The following SNX6 variants were observed in gnomAD, a reference collection of about 807,000 sequenced individuals.
The protein encoded by SNX6 is sorting nexin 6, also known as sorting nexin-6.
SNX6 carries 34 observed loss-of-function variants against 63.0 expected under a neutral mutation model. The observed-to-expected ratio is 0.54, with a 90% CI of 0.41 to 0.72. The LOEUF is 0.72. Ranked by LOEUF, SNX6 falls within the 30% of genes least tolerant of loss-of-function variation. The probability of loss-of-function intolerance (pLI) is 0.00; values close to 1 mark genes in which losing one functional copy is unlikely to be tolerated. For missense variants in SNX6, 398 were observed against 471.4 expected (o/e 0.84, Z 1.44); for synonymous variants, 170 against 164.2 (o/e 1.04, Z -0.27).
At chr14:34,563,300 T>A (rs1424129949) in intron 13 of SNX6, 125 bp from the exon 14 acceptor site, 4 of 844,874 alleles carry the variant, frequency 4.7e-6, no homozygotes, top group Non-Finnish European at 7.4e-6. Flanking sequence ...GGCTCATGCC[T>A]GTAATCCCAG....
In SNX6 at chr14:34,586,268, T is replaced by C; in HGVS notation, c.756A>G (p.Leu252=). 1.2e-6 allele frequency: 2 copies of C among 1,608,440 alleles called. No homozygotes were observed. Among genetic ancestry groups the C allele is most frequent in the South Asian group, 1.1e-5 (1 of 90,894 alleles). The part of the protein sequence containing the change: ...ADDYNRIGSS[L]YALGTQDSTD... ...TAGAATCCTGAGTTCCTAAAGCATA[T>C]AATGAAGAACCAATTCTATTGTAAT... Residue 252 remains leucine (L), a synonymous_variant, in exon 9 of 14, where the codon TTA becomes TTG. Coordinates refer to ENST00000362031, the MANE Select transcript of SNX6 (RefSeq NM_152233.4).
At position 34,605,718 on chromosome 14, in the gene SNX6, C is replaced by G; in HGVS notation, c.271-1G>C. 6.3e-7 allele frequency: 1 copy of G among 1,593,224 alleles called. No homozygotes were observed. The highest frequency in any genetic ancestry group is 8.5e-7 in the Non-Finnish European group (1 of 1,174,726). On this transcript the variant is annotated splice_acceptor_variant, in intron 4 of 13. Coordinates refer to ENST00000362031, the MANE Select transcript of SNX6 (RefSeq NM_152233.4). LOFTEE classifies it high-confidence loss of function. Reference sequence around the variant, plus strand: ...CAGGTCTTGGTGGTGCTGGTGGAATCTGTAACAGGACCAAATGACTAATTT... The same window carrying G: ...CAGGTCTTGGTGGTGCTGGTGGAATGTGTAACAGGACCAAATGACTAATTT...
At chr14:34,605,547 G>T in intron 5 of SNX6, 49 bp downstream of exon 5, 2 of 1,443,782 alleles carry the variant, frequency 1.4e-6, no homozygotes, top group Middle Eastern at 4.9e-4. Flanking sequence ...AATTAACAAA[G>T]GCAACAACAA....
chr14:34,604,016 A>G (rs1882922027), intron 5 of SNX6: 1 of 711,904 alleles, frequency 1.4e-6, no homozygotes, highest in African/African-American at 1.9e-5. Flanking sequence ...ACCAGCAGTG[A>G]ATCCCAGAGA....
chr14:34,609,620 G>A lies in SNX6; in HGVS notation c.159+18C>T, dbSNP rs1200921690. The A allele has an allele frequency of 6.6e-7, 1 of 1,516,164 alleles. No homozygotes were observed. Among genetic ancestry groups the A allele is most frequent in the South Asian group, 1.1e-5 (1 of 87,374 alleles). The allele number at this position is 1,516,164 out of a possible 1,614,324, so 93.9% of individuals were successfully genotyped here. On this transcript the variant is annotated intron_variant, in intron 3 of 13. Transcript: ENST00000362031. ...TAATAAATGGCTAAAATAATAGAAAGTACAAAATCACATTTACCTTTGTGT... is the reference window on the plus strand; with the variant it reads ...TAATAAATGGCTAAAATAATAGAAAATACAAAATCACATTTACCTTTGTGT...
chr14:34,593,205 A>G, intron 7 of SNX6, 55 bp from the exon 8 acceptor site: 2 of 1,051,364 alleles, frequency 1.9e-6, no homozygotes, highest in South Asian at 3.0e-5. Context: ...TTAGTTTTAT[A>G]TGTAAATAAC....
intron 13 of SNX6, among the ~76,000 whole-genome samples, chr14:34,564,554 G>A (rs769749551): frequency 4.6e-5 from 7 of 152,068 alleles, no homozygotes; most frequent in African/African-American, 7.2e-5. Context: ...CTGGCCAGGC[G>A]CGGTGGTTCA....
At chr14:34,629,718 C>T (rs1566498818) in intron 2 of SNX6, 189 bp downstream of exon 2, 1 of 960,762 alleles carries the variant, frequency 1.0e-6, no homozygotes, top group Non-Finnish European at 1.6e-6. Context: ...CCCCGGGAAT[C>T]GGAGCCGAGC....
At chr14:34,628,383 C>T (rs1052138435) in intron 2 of SNX6, among the ~76,000 whole-genome samples, 1 of 152,148 alleles carries the variant, frequency 6.6e-6, no homozygotes, top group African/African-American at 2.4e-5. Context: ...GGCGTGAACC[C>T]GGGAGGCGGA....
chr14:34,564,745 T>C (rs1425103577), intron 13 of SNX6, among the ~76,000 whole-genome samples: 1 of 151,198 alleles, frequency 6.6e-6, no homozygotes, highest in Non-Finnish European at 1.5e-5. Context: ...GAGAATTGCT[T>C]GAACCCGGGA....
chr14:34,624,673 G>A (rs1316592688), intron 2 of SNX6, among the ~76,000 whole-genome samples: 2 of 151,620 alleles, frequency 1.3e-5, no homozygotes, highest in Non-Finnish European at 2.9e-5. Context: ...GCGTGCACCT[G>A]TAGTCCCAGC....
At chr14:34,609,867 G>A (rs1033262915) in intron 2 of SNX6, 125 bp from the exon 3 acceptor site, 6 of 639,006 alleles carry the variant, frequency 9.4e-6, no homozygotes, top group African/African-American at 9.2e-5. Flanking sequence ...AGGTACTCAT[G>A]TCCATTTAAC....
chr14:34,613,516 G>A (rs1045452239), intron 2 of SNX6, among the ~76,000 whole-genome samples: 2 of 152,278 alleles, frequency 1.3e-5, no homozygotes, highest in Non-Finnish European at 2.9e-5. Flanking sequence ...AATCTGGCTG[G>A]GCATGGTGGT....
At position 34,563,427 on chromosome 14, in the gene SNX6, T is replaced by C. The variant is rs188512043; in HGVS notation, c.1168-252A>G. On this transcript the variant is annotated intron_variant, in intron 13 of 13. Coordinates refer to ENST00000362031, the MANE Select transcript of SNX6 (RefSeq NM_152233.4). ...ACAAAAAATTAGCCGGGCGTGGTGG[T>C]TGGCACCTGTAGTCCCAGCTACTCG... Among the ~76,000 whole-genome samples, 525 of 152,094 alleles carry C rather than the reference T, an allele frequency of 3.5e-3. 4 individuals carry two copies. The highest frequency in any genetic ancestry group is 0.012 in the African/African-American group (488 of 41,498).
At chr14:34,598,965 C>A (rs1882703684) in intron 6 of SNX6, among the ~76,000 whole-genome samples, 1 of 152,096 alleles carries the variant, frequency 6.6e-6, no homozygotes, top group South Asian at 2.1e-4. Context: ...GGGATTAGTC[C>A]TTATAAAAGA....
chr14:34,581,440 C>T, intron 10 of SNX6, 121 bp downstream of exon 10: 1 of 521,106 alleles, frequency 1.9e-6, no homozygotes, highest in Non-Finnish European at 3.5e-6. Flanking sequence ...GCACGAGCCA[C>T]GTGCCTGGCC....
chr14:34,627,876 C>T (rs1231304336), intron 2 of SNX6, among the ~76,000 whole-genome samples: 1 of 152,168 alleles, frequency 6.6e-6, no homozygotes, highest in African/African-American at 2.4e-5. Context: ...TTGCCTCGGC[C>T]TCCCAAAATG....
intron 2 of SNX6, chr14:34,629,387 T>C (rs2138402705): frequency 4.6e-6 from 2 of 438,148 alleles, no homozygotes; most frequent in South Asian, 3.1e-5. Flanking sequence ...TTGCATAATC[T>C]AGTAGGGCAC....
chr14:34,597,533 A>C lies in SNX6; in HGVS notation c.612+17T>G. 7.0e-7 allele frequency: 1 copy of C among 1,426,648 alleles called. No individual in the cohort carries two copies. Among genetic ancestry groups the C allele is most frequent in the Non-Finnish European group, 9.8e-7 (1 of 1,020,664 alleles). 88.4% of individuals were successfully genotyped at this position (1,426,648 alleles called of 1,614,324 possible). A position where few individuals can be genotyped will look rare whatever the true frequency, so the allele number is the denominator to read the frequency against. On this transcript the variant is annotated intron_variant, in intron 7 of 13. Transcript: ENST00000362031. Reference sequence around the variant, plus strand: ...GAAGTCTCAACTAATACCACAGTTAATCAAATAAAATCTTACCTTTACTCC... The same window carrying C: ...GAAGTCTCAACTAATACCACAGTTACTCAAATAAAATCTTACCTTTACTCC...
Sources: gnomAD v4.1 joint callset for allele counts (sites outside exome capture counted in the v4.1 genomes callset) on GRCh38, gnomAD v4.1.1 for gene constraint, MANE v1.5 for transcripts, NCBI Gene and HGNC (gene_info 2026-07-23, HGNC 2026-07-21) for gene names.